MAJIN: variants seen among roughly 807,000 people sequenced by gnomAD.
MAJIN encodes the protein membrane anchored junction protein.
In MAJIN, 27 loss-of-function variants were observed where a neutral mutation model predicts 30.2. The ratio of observed to expected loss-of-function variants is 0.89; its 90% confidence interval spans 0.66 to 1.23. The LOEUF (loss-of-function observed/expected upper bound fraction) is 1.23, where lower values mean the gene tolerates loss of function less well. Among genes scored for constraint, MAJIN ranks in the 50% most tolerant of loss-of-function variants. MAJIN has a pLI of 0.00. For synonymous variants in MAJIN, 78 were observed against 91.6 expected (o/e 0.85, Z 0.85); for missense variants, 253 against 260.3 (o/e 0.97, Z 0.19).
At position 64,945,392 on chromosome 11, in the gene MAJIN, A is replaced by G. The variant is rs927667896; in HGVS notation, c.473+1982T>C. ...AAACAAACAAAAAAACAAAAACTAG[A>G]TGTTCCTAGACTCAGACCCCAGTGT... On this transcript the variant is annotated intron_variant, in intron 8 of 10. Transcript: ENST00000301896. 2.3e-4 allele frequency among the ~76,000 whole-genome samples: 35 copies of G among 151,912 alleles called. 1 individual carries two copies. The highest frequency in any genetic ancestry group is 2.2e-3 in the Admixed American group (34 of 15,248).
intron 1 of MAJIN, among the ~76,000 whole-genome samples, chr11:64,966,301 A>G (rs978832934): frequency 6.6e-6 from 1 of 152,124 alleles, no homozygotes; most frequent in African/African-American, 2.4e-5. Context: ...CTGGGAGTCC[A>G]AGGCAGGAGG....
Position 64,950,354 on chromosome 11 carries a change from C to G in MAJIN, c.223+1G>C, listed in dbSNP as rs369906475. 1 of 1,433,342 alleles carries G rather than the reference C, an allele frequency of 7.0e-7. No homozygotes were observed. 88.8% of individuals were successfully genotyped at this position (1,433,342 alleles called of 1,614,324 possible). ...CAAAAAAAAAAAAAAAAAAAGGATACAGGGAAATACAATGAAGTGTTCTGT... is the reference window on the plus strand; with the variant it reads ...CAAAAAAAAAAAAAAAAAAAGGATAGAGGGAAATACAATGAAGTGTTCTGT... On this transcript the variant is annotated splice_donor_variant, in intron 5 of 10. Coordinates refer to ENST00000301896, the MANE Select transcript of MAJIN (RefSeq NM_001037225.3). LOFTEE classifies it high-confidence loss of function.
In MAJIN at chr11:64,951,412, C is replaced by T. The variant is rs115752644; in HGVS notation, c.148-982G>A. Among the ~76,000 whole-genome samples the T allele has an allele frequency of 5.0e-3, 759 of 152,276 alleles. 4 individuals are homozygous for T. The highest frequency in any genetic ancestry group is 0.017 in the African/African-American group (691 of 41,546). On this transcript the variant is annotated intron_variant, in intron 4 of 10. Coordinates refer to ENST00000301896, the MANE Select transcript of MAJIN (RefSeq NM_001037225.3). The stretch of plus-strand genomic sequence containing the variant: ...TCTGTGGGGAAAAAAGTCTCAATTT[C>T]AATCCCAGCCTTGTCATTTCACCCT...
In MAJIN at chr11:64,967,199, G is replaced by T. The variant is rs374411869; in HGVS notation, c.-65+4678C>A. Among the ~76,000 whole-genome samples, 7 of 152,140 alleles carry T rather than the reference G, an allele frequency of 4.6e-5. No individual in the cohort carries two copies. In the East Asian group the frequency reaches 1.2e-3, roughly 25 times the overall value. ...GAGTCGGGCAGATCACTTGAGGTCA[G>T]GAGTTCGAGACGAACCTGGCCAACG... On this transcript the variant is annotated intron_variant, in intron 1 of 10. Transcript: ENST00000301896.
intron 4 of MAJIN, chr11:64,954,300 A>C (rs1207542060): frequency 3.8e-6 from 1 of 266,650 alleles, no homozygotes; most frequent in Non-Finnish European, 7.3e-6. Flanking sequence ...GAAAGGAATG[A>C]AAATGAAGTC....
chr11:64,944,893 T>C (rs1407916512), intron 8 of MAJIN, among the ~76,000 whole-genome samples: 1 of 152,060 alleles, frequency 6.6e-6, no homozygotes, highest in African/African-American at 2.4e-5. Flanking sequence ...TTAGAGAATA[T>C]ATAGAAAAGA....
In MAJIN at chr11:64,938,491, G is replaced by C; in HGVS notation, c.*84C>G. The C allele has an allele frequency of 6.5e-7, 1 of 1,527,216 alleles. No individual in the cohort carries two copies. The highest frequency in any genetic ancestry group is 8.8e-7 in the Non-Finnish European group (1 of 1,138,874). 94.6% of individuals were successfully genotyped at this position (1,527,216 alleles called of 1,614,324 possible). On this transcript the variant is annotated 3_prime_UTR_variant, in exon 11 of 11. Coordinates refer to ENST00000301896, the MANE Select transcript of MAJIN (RefSeq NM_001037225.3). The stretch of plus-strand genomic sequence containing the variant: ...TGGCTCGGGAGGAGTCACTACAAGA[G>C]ATGATCCTCTTTCCAGCGCTGCATT...
intron 4 of MAJIN, among the ~76,000 whole-genome samples, chr11:64,952,323 G>C (rs1217309939): frequency 1.3e-5 from 2 of 151,992 alleles, no homozygotes; most frequent in African/African-American, 4.8e-5. Flanking sequence ...AAGTAGCTGG[G>C]ATTACAGGTG....
intron 8 of MAJIN, among the ~76,000 whole-genome samples, chr11:64,945,854 CA>C (rs1402433219): frequency 1.3e-5 from 2 of 152,206 alleles, no homozygotes; most frequent in South Asian, 2.1e-4. Context: ...GACTTTTTAA[CA>C]AAAAAATTCA....
At chr11:64,948,299 G>A (rs1945482410) in intron 6 of MAJIN, among the ~76,000 whole-genome samples, 1 of 151,716 alleles carries the variant, frequency 6.6e-6, no homozygotes, top group Non-Finnish European at 1.5e-5. Flanking sequence ...CAGAATGATT[G>A]TAATCTACAA....
chr11:64,957,211 T>C (rs925436501), intron 3 of MAJIN, among the ~76,000 whole-genome samples: 2 of 152,028 alleles, frequency 1.3e-5, no homozygotes, highest in Admixed American at 6.6e-5. Context: ...TCCAAGCAGC[T>C]GGGATCACAG....
rs531786156 is a variant in MAJIN, at chr11:64,947,241, C to T, written c.473+133G>A. The T allele has an allele frequency of 7.4e-4, 432 of 585,464 alleles. 3 individuals carry two copies. Among genetic ancestry groups the T allele is most frequent in the Middle Eastern group, 2.6e-3 (6 of 2,280 alleles). 36.3% of individuals were successfully genotyped at this position (585,464 alleles called of 1,614,324 possible). On this transcript the variant is annotated intron_variant, in intron 8 of 10. Transcript: ENST00000301896. ...ACTTGCTCCCTTTCCTTAGTCCACCCACTGTAATAGGCAGATACTGATGAA... is the reference window on the plus strand; with the variant it reads ...ACTTGCTCCCTTTCCTTAGTCCACCTACTGTAATAGGCAGATACTGATGAA...
chr11:64,940,454 C>T (rs1945356965), intron 9 of MAJIN, 120 bp downstream of exon 9: 1 of 973,364 alleles, frequency 1.0e-6, no homozygotes, highest in Non-Finnish European at 1.6e-6. Context: ...TCCACGGGAG[C>T]AAGGCACATT....
intron 8 of MAJIN, chr11:64,946,272 C>T: frequency 8.6e-7 from 1 of 1,158,726 alleles, no homozygotes; most frequent in Admixed American, 3.3e-5. Flanking sequence ...CTACTCCTGG[C>T]TGGCAGAATA....
chr11:64,969,041 GACTA>G (rs1314543513), intron 1 of MAJIN, among the ~76,000 whole-genome samples: 3 of 152,182 alleles, frequency 2.0e-5, no homozygotes, highest in African/African-American at 4.8e-5. Flanking sequence ...ATATACTTTA[GACTA>G]ACTAACGGAC....
chr11:64,952,251 G>C (rs1012556254), intron 4 of MAJIN, among the ~76,000 whole-genome samples: 2 of 151,410 alleles, frequency 1.3e-5, no homozygotes, highest in African/African-American at 4.9e-5. Context: ...GCAATGGCTT[G>C]GTCTCCGCTC....
At chr11:64,951,772 A>C (rs902545025) in intron 4 of MAJIN, among the ~76,000 whole-genome samples, 2,612 of 151,946 alleles carry the variant, frequency 0.017, 248 homozygotes, top group Admixed American at 0.15. Context: ...CTCAAAAAAA[A>C]AAAAAAAAAA....
At chr11:64,940,712 T>C (rs1437043729) in intron 8 of MAJIN, 66 bp from the exon 9 acceptor site, 1 of 1,429,088 alleles carries the variant, frequency 7.0e-7, no homozygotes, top group Non-Finnish European at 9.9e-7. Flanking sequence ...ATCTGAATGC[T>C]ATTTGCTGGT....
At chr11:64,951,588 T>C (rs1590697189) in intron 4 of MAJIN, among the ~76,000 whole-genome samples, 1 of 152,088 alleles carries the variant, frequency 6.6e-6, no homozygotes, top group African/African-American at 2.4e-5. Flanking sequence ...AACATGGCAA[T>C]ACTCCATCTC....
Sources: allele counts gnomAD v4.1 joint callset (sites outside exome capture counted in the v4.1 genomes callset), GRCh38; gene constraint gnomAD v4.1.1; transcripts MANE v1.5; gene names NCBI Gene and HGNC (gene_info 2026-07-23, HGNC 2026-07-21).